The following PLA2G4A variants were observed in gnomAD, a reference collection of about 807,000 sequenced individuals.
PLA2G4A encodes the protein cytosolic phospholipase A2.
A neutral mutation model predicts 81.9 loss-of-function variants in PLA2G4A; 40 were observed. That is an observed-to-expected ratio of 0.49 (90% CI 0.38 to 0.64). PLA2G4A has a LOEUF of 0.64. Among genes scored for constraint, PLA2G4A ranks in the 30% least tolerant of loss-of-function variants. The pLI is 0.00. For synonymous variants in PLA2G4A, 302 were observed against 296.9 expected, an observed-to-expected ratio of 1.02 and a Z score of -0.18; for missense variants, 715 against 905.1, an observed-to-expected ratio of 0.79 and a Z score of 2.69.
chr1:186,915,043 T>C (rs967776430), intron 7 of PLA2G4A, among the ~76,000 whole-genome samples: 4 of 152,186 alleles, frequency 2.6e-5, no homozygotes, highest in African/African-American at 9.7e-5. Context: ...TTCCTATTAC[T>C]ATTATAACTC....
intron 1 of PLA2G4A, among the ~76,000 whole-genome samples, chr1:186,840,299 A>ACT (rs1651934182): frequency 6.6e-6 from 1 of 152,056 alleles, no homozygotes; most frequent in Non-Finnish European, 1.5e-5. Flanking sequence ...AAGTGCATAC[A>ACT]CTCCATTTAC....
At chr1:186,850,967 A>C (rs1652352178) in intron 1 of PLA2G4A, among the ~76,000 whole-genome samples, 1 of 152,080 alleles carries the variant, frequency 6.6e-6, no homozygotes, top group South Asian at 2.1e-4. Flanking sequence ...ATATAATGTT[A>C]TTAGTGATAA....
At chr1:186,872,913 G>A (rs1403638578) in intron 3 of PLA2G4A, among the ~76,000 whole-genome samples, 1 of 152,038 alleles carries the variant, frequency 6.6e-6, no homozygotes, top group African/African-American at 2.4e-5. Context: ...GGAAGGAATG[G>A]CCACTGAAGA....
chr1:186,884,638 G>A (rs946967629), intron 3 of PLA2G4A, among the ~76,000 whole-genome samples: 2 of 151,950 alleles, frequency 1.3e-5, no homozygotes, highest in African/African-American at 4.8e-5. Context: ...GCATTTTGGG[G>A]AGCCAAGGCA....
At chr1:186,918,340 T>A (rs1247604023) in intron 7 of PLA2G4A, among the ~76,000 whole-genome samples, 1 of 152,064 alleles carries the variant, frequency 6.6e-6, no homozygotes, top group Non-Finnish European at 1.5e-5. Flanking sequence ...ATATTTTATG[T>A]CCTTTCCCCC....
intron 2 of PLA2G4A, among the ~76,000 whole-genome samples, chr1:186,867,702 TTA>T (rs1225054552): frequency 2.6e-5 from 4 of 152,180 alleles, no homozygotes; most frequent in Non-Finnish European, 5.9e-5. Context: ...TTTTCTTATC[TTA>T]TTGCATCAAA....
At chr1:186,917,763 G>C (rs971183112) in intron 7 of PLA2G4A, among the ~76,000 whole-genome samples, 4 of 152,174 alleles carry the variant, frequency 2.6e-5, no homozygotes, top group Non-Finnish European at 4.4e-5. Context: ...GCAAATACTT[G>C]TTACCTCCAC....
intron 7 of PLA2G4A, among the ~76,000 whole-genome samples, chr1:186,914,406 G>A (rs1187281059): frequency 3.0e-5 from 1 of 33,282 alleles, no homozygotes; most frequent in Non-Finnish European, 4.8e-5. Context: ...AAACCCCTCA[G>A]ACACCGAGTT....
chr1:186,849,892 G>A (rs1240754557), intron 1 of PLA2G4A, among the ~76,000 whole-genome samples: 6 of 152,076 alleles, frequency 3.9e-5, no homozygotes, highest in East Asian at 1.9e-4. Context: ...TGCCTTAAAT[G>A]TTTGTTGACT....
At chr1:186,946,494 G>A (rs2102232895) in intron 10 of PLA2G4A, 143 bp from the exon 11 acceptor site, 3 of 701,068 alleles carry the variant, frequency 4.3e-6, no homozygotes, top group Non-Finnish European at 7.6e-6. Context: ...TACATAATGG[G>A]CATTTGGCTA....
chr1:186,985,780 T>C (rs1657873725), intron 17 of PLA2G4A, among the ~76,000 whole-genome samples: 1 of 152,060 alleles, frequency 6.6e-6, no homozygotes, highest in South Asian at 2.1e-4. Context: ...ATATGAGGGC[T>C]TTTGCTGGGA....
intron 3 of PLA2G4A, among the ~76,000 whole-genome samples, chr1:186,885,069 T>C (rs914289175): frequency 6.6e-6 from 1 of 151,780 alleles, no homozygotes; most frequent in Non-Finnish European, 1.5e-5. Context: ...GGACTTGGGG[T>C]ATAAAGACTG....
Position 186,982,218 on chromosome 1 carries a change from T to A in PLA2G4A, c.2118+2746T>A, listed in dbSNP as rs558855848. Among the ~76,000 whole-genome samples, 5 of 152,358 alleles carry A rather than the reference T, an allele frequency of 3.3e-5. No individual in the cohort carries two copies. The East Asian group carries it at 9.6e-4, about 29-fold the overall frequency. The stretch of plus-strand genomic sequence containing the variant: ...CCTGTATCTCCAAGTCCTTTAGTTC[T>A]GAGAATTAAGCAGTTTTTAATTGCT... On this transcript the variant is annotated intron_variant, in intron 17 of 17. Coordinates refer to ENST00000367466, the MANE Select transcript of PLA2G4A (RefSeq NM_024420.3).
chr1:186,945,311 G>A (rs1178231046), intron 10 of PLA2G4A, among the ~76,000 whole-genome samples: 1 of 152,136 alleles, frequency 6.6e-6, no homozygotes, highest in Non-Finnish European at 1.5e-5. Flanking sequence ...ATTGTTAGGA[G>A]GGATGTGGTC....
At chr1:186,843,122 A>G (rs947935186) in intron 1 of PLA2G4A, among the ~76,000 whole-genome samples, 1 of 152,194 alleles carries the variant, frequency 6.6e-6, no homozygotes, top group African/African-American at 2.4e-5. Context: ...TCAGTTAAAC[A>G]AATTACTTAC....
At chr1:186,987,270 C>T (rs1259390183) in intron 17 of PLA2G4A, among the ~76,000 whole-genome samples, 1 of 152,268 alleles carries the variant, frequency 6.6e-6, no homozygotes, top group East Asian at 1.9e-4. Context: ...TCTGAGCATG[C>T]ATCTCCAAGG....
intron 2 of PLA2G4A, among the ~76,000 whole-genome samples, chr1:186,858,890 T>A (rs1225086871): frequency 1.3e-5 from 2 of 151,108 alleles, no homozygotes; most frequent in Admixed American, 1.3e-4. Context: ...TATGTGTATA[T>A]GGAAAAAAAA....
intron 1 of PLA2G4A, among the ~76,000 whole-genome samples, chr1:186,832,696 C>T (rs1041236097): frequency 6.6e-6 from 1 of 152,056 alleles, no homozygotes; most frequent in African/African-American, 2.4e-5. Flanking sequence ...TGTGAATTGT[C>T]TCTTTCAATG....
chr1:186,929,687 C>T (rs546861191), intron 7 of PLA2G4A, among the ~76,000 whole-genome samples: 1 of 152,266 alleles, frequency 6.6e-6, no homozygotes, highest in East Asian at 1.9e-4. Context: ...GCAGACCCAA[C>T]TTTGACTCCA....
Sources: gnomAD v4.1 joint callset for allele counts (sites outside exome capture counted in the v4.1 genomes callset) on GRCh38, gnomAD v4.1.1 for gene constraint, MANE v1.5 for transcripts, NCBI Gene and HGNC (gene_info 2026-07-23, HGNC 2026-07-21) for gene names.